IGFL4: variants seen among roughly 807,000 people sequenced by gnomAD.
The protein encoded by IGFL4 is IGF like family member 4.
In IGFL4, 12 loss-of-function variants were observed where a neutral mutation model predicts 15.4. The ratio of observed to expected loss-of-function variants is 0.78; its 90% CI spans 0.50 to 1.26. The LOEUF (loss-of-function observed/expected upper bound fraction) is 1.26. Ranked by LOEUF, IGFL4 falls within the 50% of genes most tolerant of loss-of-function variation. The pLI is 0.00. For synonymous variants in IGFL4, 54 were observed against 55.9 expected, an observed-to-expected ratio of 0.97 and a Z score of 0.16; for missense variants, 126 against 147.8, an observed-to-expected ratio of 0.85 and a Z score of 0.76.
intron 1 of IGFL4, among the ~76,000 whole-genome samples, chr19:46,065,019 A>T (rs1311308440): frequency 6.6e-6 from 1 of 152,196 alleles, no homozygotes; most frequent in Non-Finnish European, 1.5e-5. Flanking sequence ...TGCAGTTTTG[A>T]TTAGCATTTC....
chr19:46,040,753 G>T lies in IGFL4; in HGVS notation c.20-185C>A. On this transcript the variant is annotated intron_variant, in intron 1 of 3. Transcript: ENST00000377697. This position sits in a 1 kb window ranked among gnomAD's most constrained non-coding sequence, Gnocchi z 4.1. The stretch of plus-strand genomic sequence containing the variant: ...TGAGGAAAGGCAGGGAGGGCTCTGG[G>T]AAAAGTTAAGCTTCTGGAATTTGCA... 1.1e-6 allele frequency: 1 copy of T among 941,276 alleles called. No homozygotes were observed. Among genetic ancestry groups the T allele is most frequent in the South Asian group, 1.5e-5 (1 of 68,298 alleles). The allele number at this position is 941,276 out of a possible 1,614,324, so 58.3% of individuals were successfully genotyped here.
At chr19:46,066,764 G>A (rs1402150200) in intron 1 of IGFL4, among the ~76,000 whole-genome samples, 4 of 152,104 alleles carry the variant, frequency 2.6e-5, no homozygotes, top group African/African-American at 7.2e-5. Context: ...AGCTATGAGG[G>A]ATCTTCCCCA....
At chr19:46,064,933 C>T (rs1969480645) in intron 1 of IGFL4, among the ~76,000 whole-genome samples, 1 of 152,018 alleles carries the variant, frequency 6.6e-6, no homozygotes, top group Non-Finnish European at 1.5e-5. Flanking sequence ...CCCTTTTCTC[C>T]ACATCCCTGC....
chr19:46,046,262 TA>T (rs1969296566), intron 2 of IGFL4, among the ~76,000 whole-genome samples: 1 of 151,776 alleles, frequency 6.6e-6, no homozygotes, highest in South Asian at 2.1e-4. Context: ...AAGGAAGCAA[TA>T]AATATGGAAA....
intron 2 of IGFL4, among the ~76,000 whole-genome samples, chr19:46,047,680 G>C (rs1012582092): frequency 6.6e-6 from 1 of 151,964 alleles, no homozygotes; most frequent in African/African-American, 2.4e-5. Flanking sequence ...AGAAGAAATG[G>C]ATACATCCCT....
chr19:46,062,135 A>C (rs1408579401), intron 1 of IGFL4, among the ~76,000 whole-genome samples: 2 of 152,158 alleles, frequency 1.3e-5, no homozygotes, highest in African/African-American at 2.4e-5. Flanking sequence ...CTGACTTTTA[A>C]CCATAGTGCT....
At position 46,039,787 on chromosome 19, in the gene IGFL4, G is replaced by T; in HGVS notation, c.*105C>A. 9.7e-7 allele frequency: 1 copy of T among 1,034,282 alleles called. No homozygotes were observed. Among genetic ancestry groups the T allele is most frequent in the Non-Finnish European group, 1.5e-6 (1 of 655,206 alleles). 64.1% of individuals were successfully genotyped at this position (1,034,282 alleles called of 1,614,324 possible). ...AAGTTGCTTATTTGCACTCCAGCCT[G>T]GGGGACAGAGTGAAACTCTGTCACA... On this transcript the variant is annotated 3_prime_UTR_variant, in exon 4 of 4. Transcript: ENST00000377697.
At chr19:46,056,543 T>C (rs1261803626) in intron 2 of IGFL4, among the ~76,000 whole-genome samples, 1 of 152,228 alleles carries the variant, frequency 6.6e-6, no homozygotes, top group Non-Finnish European at 1.5e-5. Flanking sequence ...TAGTGTCTGC[T>C]GTGACATTCT....
chr19:46,041,916 G>A (rs1459066401), upstream of IGFL4, among the ~76,000 whole-genome samples: 2 of 142,816 alleles, frequency 1.4e-5, no homozygotes, highest in African/African-American at 5.3e-5. Context: ...TTTGCTCACT[G>A]TAACCTTTGC....
chr19:46,055,779 T>C (rs1433634523), intron 2 of IGFL4, among the ~76,000 whole-genome samples: 1 of 152,076 alleles, frequency 6.6e-6, no homozygotes, highest in Non-Finnish European at 1.5e-5. Flanking sequence ...GAGCTCAGTT[T>C]AATTTTTTTT....
intron 1 of IGFL4, among the ~76,000 whole-genome samples, chr19:46,064,071 G>GAAA (rs36026852): frequency 7.1e-5 from 10 of 140,070 alleles, no homozygotes; most frequent in African/African-American, 1.6e-4. Context: ...GACTCCACCT[G>GAAA]AAAAAAAAAA....
At position 46,071,229 on chromosome 19, in the gene IGFL4, C is replaced by T. The variant is rs192139164; in HGVS notation, c.-432+5791G>A. On this transcript the variant is annotated intron_variant, in intron 1 of 5. Coordinates refer to the IGFL4 transcript ENST00000601672. ...TCACGCCAGCGGCACACCAGCAAGT[C>T]AGCAAAGTTCAGGGGCTCAGTATGC... is the stretch of plus-strand genomic sequence containing the variant. Among the ~76,000 whole-genome samples, 140 of 152,054 alleles carry T rather than the reference C, an allele frequency of 9.2e-4. 1 individual carries two copies. The highest frequency in any genetic ancestry group is 3.2e-3 in the African/African-American group (131 of 41,452).
Position 46,040,948 on chromosome 19 carries a change from A to G in IGFL4, c.15T>C (p.Ile5=). The G allele has an allele frequency of 1.9e-6, 3 of 1,590,528 alleles. No homozygotes were observed. The highest frequency in any genetic ancestry group is 1.7e-6 in the Non-Finnish European group (2 of 1,170,390). The change falls in exon 1 of 4, where the codon ATT becomes ATC. Residue 5 remains isoleucine, a synonymous_variant. Coordinates refer to ENST00000377697, the MANE Select transcript of IGFL4 (RefSeq NM_001002923.3). This position sits in a 1 kb window ranked among gnomAD's most constrained non-coding sequence, Gnocchi z 4.1. MVPR[I]SAAIFIFELL... is the part of the protein sequence containing the mutation. ...CTAGGGCTGGGGTCTCCTTACCAGA[A>G]ATTCTGGGCACCATGGGTTAGGCTT...
upstream of IGFL4, among the ~76,000 whole-genome samples, chr19:46,077,581 A>G (rs16980290): frequency 0.039 from 5,886 of 152,274 alleles, 190 homozygotes; most frequent in African/African-American, 0.079. This position sits in a 1 kb window ranked among gnomAD's most constrained non-coding sequence, Gnocchi z 5.4. Context: ...GTGATCAGTG[A>G]CACCCCCAAG....
intron 2 of IGFL4, among the ~76,000 whole-genome samples, chr19:46,055,610 C>A (rs1969385761): frequency 6.6e-6 from 1 of 152,142 alleles, no homozygotes; most frequent in African/African-American, 2.4e-5. Flanking sequence ...AAAACTACAT[C>A]ATTAATTGCA....
chr19:46,053,429 G>A (rs961755258), intron 2 of IGFL4, among the ~76,000 whole-genome samples: 5 of 152,056 alleles, frequency 3.3e-5, no homozygotes, highest in Admixed American at 2.0e-4. Context: ...TGGCCAGGGT[G>A]GTCTGGAACT....
chr19:46,042,764 G>C (rs190143216), upstream of IGFL4, among the ~76,000 whole-genome samples: 560 of 152,342 alleles, frequency 3.7e-3, 14 homozygotes, highest in Admixed American at 0.035. Context: ...TTGCTGAGTA[G>C]AGAATCCAGC....
Position 46,040,673 on chromosome 19 carries a change from G to T in IGFL4, c.20-105C>A. On this transcript the variant is annotated intron_variant, in intron 1 of 3. Coordinates refer to ENST00000377697, the MANE Select transcript of IGFL4 (RefSeq NM_001002923.3). This position sits in a 1 kb window ranked among gnomAD's most constrained non-coding sequence, Gnocchi z 4.1. Reference sequence around the variant, plus strand: ...TTCTCTGGTTGCTGTTAACAGCTCAGAGTGGATTTTGGGACTGGCTGTGGG... The same window carrying T: ...TTCTCTGGTTGCTGTTAACAGCTCATAGTGGATTTTGGGACTGGCTGTGGG... 7.3e-7 allele frequency: 1 copy of T among 1,369,892 alleles called. No individual in the cohort carries two copies. The highest frequency in any genetic ancestry group is 1.0e-6 in the Non-Finnish European group (1 of 974,280). The allele number at this position is 1,369,892 out of a possible 1,614,324, so 84.9% of individuals were successfully genotyped here.
upstream of IGFL4, among the ~76,000 whole-genome samples, chr19:46,042,495 T>A (rs1361303381): frequency 4.6e-5 from 7 of 152,282 alleles, no homozygotes; most frequent in East Asian, 1.4e-3. Flanking sequence ...AGGAGGGAAA[T>A]CCCAAAGCTG....
Sources: gnomAD v4.1 joint callset for allele counts (sites outside exome capture counted in the v4.1 genomes callset) on GRCh38, gnomAD v4.1.1 for gene constraint, Gnocchi (gnomAD v3.1) non-coding constraint, MANE v1.5 for transcripts, NCBI Gene and HGNC (gene_info 2026-07-23, HGNC 2026-07-21) for gene names.